PNISR: variants seen among roughly 807,000 people sequenced by gnomAD.
PNISR encodes the protein arginine/serine-rich protein PNISR.
Under a neutral mutation model 93.4 loss-of-function variants are expected in PNISR, and 20 were observed. The ratio of observed to expected loss-of-function variants is 0.21; its 90% CI spans 0.15 to 0.31. PNISR has a LOEUF of 0.31. Among genes scored for constraint, PNISR ranks in the 10% least tolerant of loss-of-function variants. The pLI is 1.00. For missense variants in PNISR, 893 were observed against 985.4 expected, an observed-to-expected ratio of 0.91 and a Z score of 1.25; for synonymous variants, 305 against 306.5, an observed-to-expected ratio of 0.99 and a Z score of 0.05.
At position 99,399,895 on chromosome 6, in the gene PNISR, C is replaced by A. The variant is rs1213961526; in HGVS notation, c.*645G>T. ...GAAGGTACCTTTAAAACCTGTTATA[C>A]AAAATTCCAGCTGCCTTTTTATAAA... On this transcript the variant is annotated 3_prime_UTR_variant, in exon 12 of 12. Transcript: ENST00000369239. 1 of 152,016 alleles carries A rather than the reference C, an allele frequency of 6.6e-6. No individual in the cohort carries two copies. The allele number at this position is 152,016 out of a possible 1,614,324, so 9.4% of individuals were successfully genotyped here. A position where few individuals can be genotyped will look rare whatever the true frequency, so the allele number is the denominator to read the frequency against.
Position 99,425,292 on chromosome 6 carries a change from C to T in PNISR, c.-189G>A. 3 of 1,232,104 alleles carry T rather than the reference C, an allele frequency of 2.4e-6. No individual in the cohort carries two copies. The highest frequency in any genetic ancestry group is 3.2e-5 in the East Asian group (1 of 31,714). The allele number at this position is 1,232,104 out of a possible 1,614,324, so 76.3% of individuals were successfully genotyped here. A position where few individuals can be genotyped will look rare whatever the true frequency, so the allele number is the denominator to read the frequency against. On this transcript the variant is annotated 5_prime_UTR_variant, in exon 1 of 12. Coordinates refer to ENST00000369239, the MANE Select transcript of PNISR (RefSeq NM_032870.4). The stretch of plus-strand genomic sequence containing the variant: ...AACGCTTTCGATGCTTCTACTTCTT[C>T]GGGAACAAGACAAGATGGCGCCCGA...
rs1159276016 is a variant in PNISR at position 99,398,199 on chromosome 6, A to C, written c.*2341T>G. 2 of 152,164 alleles carry C rather than the reference A, an allele frequency of 1.3e-5. No homozygotes were observed. The highest frequency in any genetic ancestry group is 4.8e-5 in the African/African-American group (2 of 41,452). 9.4% of individuals were successfully genotyped at this position (152,164 alleles called of 1,614,324 possible). A position where few individuals can be genotyped will look rare whatever the true frequency, so the allele number is the denominator to read the frequency against. On this transcript the variant is annotated 3_prime_UTR_variant, in exon 12 of 12. Coordinates refer to ENST00000369239, the MANE Select transcript of PNISR (RefSeq NM_032870.4). ...ACTAATACACTAGAAATATTTTTTA[A>C]TAGAACCTCTTAAACAAGACATTTT...
intron 5 of PNISR, 92 bp downstream of exon 5, chr6:99,410,643 AAAAGTG>A: frequency 1.3e-6 from 1 of 795,112 alleles, no homozygotes. Flanking sequence ...TACAAGTCTG[AAAAGTG>A]AAACACGTAT....
intron 2 of PNISR, chr6:99,415,427 G>C (rs1008683921): frequency 6.6e-6 from 1 of 152,066 alleles, no homozygotes; most frequent in Non-Finnish European, 1.5e-5. Context: ...CATATAAATA[G>C]CATGGAAAAG....
intron 1 of PNISR, among the ~76,000 whole-genome samples, chr6:99,423,552 T>C (rs903003947): frequency 2.0e-5 from 3 of 152,214 alleles, no homozygotes; most frequent in Non-Finnish European, 4.4e-5. Context: ...AATAATGTGA[T>C]AAGTCACCTT....
intron 1 of PNISR, among the ~76,000 whole-genome samples, chr6:99,422,685 C>A (rs532898098): frequency 6.6e-6 from 1 of 152,082 alleles, no homozygotes; most frequent in South Asian, 2.1e-4. Context: ...ACCAGCCTGG[C>A]CAACATGGCG....
chr6:99,407,140 T>C (rs1776260622), intron 7 of PNISR, among the ~76,000 whole-genome samples: 1 of 151,976 alleles, frequency 6.6e-6, no homozygotes, highest in Admixed American at 6.6e-5. Flanking sequence ...GGCAACACGG[T>C]GAAACCCCGT....
rs111662354 is a variant in PNISR, at chr6:99,409,270, T to G, written c.576A>C (p.Pro192=). 7 of 1,612,196 alleles carry G rather than the reference T, an allele frequency of 4.3e-6. No individual in the cohort carries two copies. The South Asian group carries it at 6.6e-5, about 15-fold the overall frequency. The change falls in exon 6 of 12, where the codon CCA becomes CCC. Residue 192 remains proline, a synonymous_variant. Transcript: ENST00000369239. ...TTTCTCTTCGATTCTGGGGAGGTGCTGGAGGTCCTGGAGGTCCTGGTTGCC... is the reference window on the plus strand; with the variant it reads ...TTTCTCTTCGATTCTGGGGAGGTGCGGGAGGTCCTGGAGGTCCTGGTTGCC... The part of the protein sequence containing the change: ...PYWQPGPPGP[P]APPQNRRERP...
intron 1 of PNISR, chr6:99,424,944 C>T (rs540908995): frequency 1.9e-5 from 6 of 312,480 alleles, no homozygotes; most frequent in Non-Finnish European, 3.5e-5. Flanking sequence ...GTCAGGAACC[C>T]AACAATTAGT....
chr6:99,406,893 C>T (rs955959528), intron 7 of PNISR, among the ~76,000 whole-genome samples: 2 of 152,070 alleles, frequency 1.3e-5, no homozygotes, highest in Admixed American at 6.6e-5. Flanking sequence ...TGTGGAAAGA[C>T]TACCTGAACC....
intron 8 of PNISR, among the ~76,000 whole-genome samples, chr6:99,404,912 G>A (rs1349602765): frequency 1.3e-5 from 2 of 151,924 alleles, no homozygotes; most frequent in Non-Finnish European, 2.9e-5. Flanking sequence ...CCAAGTGGCT[G>A]GAACTACAGG....
intron 3 of PNISR, among the ~76,000 whole-genome samples, chr6:99,413,933 T>C (rs916782432): frequency 6.6e-6 from 1 of 152,192 alleles, no homozygotes; most frequent in African/African-American, 2.4e-5. Context: ...ATTATGCTAA[T>C]TGTTTCAAAA....
chr6:99,424,653 C>T (rs1402042538), intron 1 of PNISR, among the ~76,000 whole-genome samples: 1 of 152,330 alleles, frequency 6.6e-6, no homozygotes, highest in Admixed American at 6.5e-5. Flanking sequence ...ATTTAACAAC[C>T]CACAAACAAA....
intron 7 of PNISR, among the ~76,000 whole-genome samples, chr6:99,406,454 T>C (rs1186596412): frequency 6.6e-6 from 1 of 152,140 alleles, no homozygotes; most frequent in Non-Finnish European, 1.5e-5. Flanking sequence ...CAGAAAAACA[T>C]AATGCCCAGA....
intron 2 of PNISR, chr6:99,415,577 T>C (rs1777573468): frequency 1.3e-5 from 2 of 152,224 alleles, no homozygotes. Flanking sequence ...ACAAGTCTAA[T>C]ATCTTTGTAC....
rs1305330367 is a variant in PNISR, at chr6:99,402,916, T to C, written c.1157-206A>G. ...AAAGGTTACTTAATATCTTATTCTTTCTGGACTATTTCATATTTTTCTCAC... is the reference window on the plus strand; with the variant it reads ...AAAGGTTACTTAATATCTTATTCTTCCTGGACTATTTCATATTTTTCTCAC... On this transcript the variant is annotated intron_variant, in intron 10 of 11. Transcript: ENST00000369239. 1.3e-5 allele frequency: 5 copies of C among 397,856 alleles called. No individual in the cohort carries two copies. In the Admixed American group the frequency reaches 2.0e-4, roughly 16 times the overall value. 24.6% of individuals were successfully genotyped at this position (397,856 alleles called of 1,614,324 possible).
chr6:99,412,565 C>A lies in PNISR; in HGVS notation c.263G>T (p.Arg88Ile). ...AAACAACAAACCTGGTTGCCACATT[C>A]TGTTGAAGTTTGAATCCCCTTGGAA... is the stretch of plus-strand genomic sequence containing the variant. ...GNFQGDSNFNRMWQPEWGMHQ... is the reference protein window; with the variant it reads ...GNFQGDSNFNIMWQPEWGMHQ... The change falls in exon 4 of 12, where the codon AGA (arginine) becomes ATA (isoleucine). Residue 88 changes from arginine (R) to isoleucine (I), a missense_variant. Physicochemically the swap from Arg to Ile is moderately conservative, Grantham distance 97. This residue lies in a region of PNISR where 866 missense variants were observed against 935.1 expected (regional missense o/e 0.93). Coordinates refer to ENST00000369239, the MANE Select transcript of PNISR (RefSeq NM_032870.4). 1 of 1,591,564 alleles carries A rather than the reference C, an allele frequency of 6.3e-7. No homozygotes were observed. Among genetic ancestry groups the A allele is most frequent in the Admixed American group, 1.8e-5 (1 of 55,336 alleles).
chr6:99,403,702 TA>T, intron 10 of PNISR, 126 bp downstream of exon 10: 1 of 562,018 alleles, frequency 1.8e-6, no homozygotes, highest in Non-Finnish European at 3.0e-6. Flanking sequence ...CAGGATGACA[TA>T]ACCCTAAGAC....
At chr6:99,424,754 A>AC (rs1779215874) in intron 1 of PNISR, among the ~76,000 whole-genome samples, 1 of 152,280 alleles carries the variant, frequency 6.6e-6, no homozygotes, top group South Asian at 2.1e-4. Context: ...GCGAAGCTTA[A>AC]CACATAATAT....
Sources: allele counts gnomAD v4.1 joint callset (sites outside exome capture counted in the v4.1 genomes callset), GRCh38; gene constraint gnomAD v4.1.1; regional missense constraint gnomAD v4.1.1; transcripts MANE v1.5; gene names NCBI Gene and HGNC (gene_info 2026-07-23, HGNC 2026-07-21).